TMPRSS9: variants seen among roughly 807,000 people sequenced by gnomAD.
TMPRSS9 encodes the protein transmembrane serine protease 9.
Under a neutral mutation model 111.4 loss-of-function variants are expected in TMPRSS9, and 113 were observed. The ratio of observed to expected loss-of-function variants is 1.01; its 90% confidence interval spans 0.87 to 1.19. The LOEUF (loss-of-function observed/expected upper bound fraction) is 1.19, where lower values mean the gene tolerates loss of function less well. TMPRSS9 is among the 50% of genes most tolerant of loss of function. The pLI is 0.00. For synonymous variants in TMPRSS9, 805 were observed against 659.1 expected (o/e 1.22, Z -3.39); for missense variants, 1,803 against 1,513.1 (o/e 1.19, Z -3.18).
At chr19:2,367,912 T>C (rs144872323) in intron 1 of TMPRSS9, among the ~76,000 whole-genome samples, 2,231 of 152,084 alleles carry the variant, frequency 0.015, 56 homozygotes, top group African/African-American at 0.049. Flanking sequence ...GGTTTTACCA[T>C]GTTGGCCAGG....
At chr19:2,364,389 A>C (rs1207144785) in intron 1 of TMPRSS9, among the ~76,000 whole-genome samples, 1 of 151,994 alleles carries the variant, frequency 6.6e-6, no homozygotes, top group African/African-American at 2.4e-5. Context: ...TGGGTGATCC[A>C]CTCATAACTG....
exon 3 of TMPRSS9, chr19:2,398,840 G>A: frequency 6.6e-7 from 1 of 1,509,200 alleles, no homozygotes; most frequent in South Asian, 1.2e-5. Flanking sequence ...AAGCTGCGTG[G>A]GTTGCTCGGT....
At chr19:2,392,729 T>A (rs1970624732) in intron 1 of TMPRSS9, among the ~76,000 whole-genome samples, 1 of 152,142 alleles carries the variant, frequency 6.6e-6, no homozygotes, top group African/African-American at 2.4e-5. Flanking sequence ...AATGCACCAA[T>A]AAGCACTCTG....
At chr19:2,418,272 C>CCCTCCTTTCCTTCCCTCCTTTTCCTTT (rs1971305345) in intron 13 of TMPRSS9, 134 bp downstream of exon 14, 1 of 694,168 alleles carries the variant, frequency 1.4e-6, no homozygotes, top group African/African-American at 4.1e-5. Context: ...CCTTGTCCTT[C>CCCTCCTTTCCTTCCCTCCTTTTCCTTT]CCTCCTTTTC....
intron 8 of TMPRSS9, among the ~76,000 whole-genome samples, chr19:2,409,825 G>A (rs1971057205): frequency 6.6e-6 from 1 of 152,076 alleles, no homozygotes; most frequent in Admixed American, 6.6e-5. Flanking sequence ...AGTGGGGTGG[G>A]ACCAGAGTAA....
At chr19:2,394,572 A>G (rs913861674) in intron 1 of TMPRSS9, among the ~76,000 whole-genome samples, 1 of 134,852 alleles carries the variant, frequency 7.4e-6, no homozygotes, top group Non-Finnish European at 1.6e-5. Flanking sequence ...GGGGCAATTC[A>G]GTCCGCCCAC....
At chr19:2,364,942 G>A (rs999804533) in intron 1 of TMPRSS9, among the ~76,000 whole-genome samples, 23 of 150,438 alleles carry the variant, frequency 1.5e-4, no homozygotes, top group Non-Finnish European at 2.8e-4. Flanking sequence ...TCGCGCCACT[G>A]CACTCCAGCC....
intron 6 of TMPRSS9, 122 bp from the exon 8 acceptor site, chr19:2,405,252 G>T (rs1970944578): frequency 7.5e-7 from 1 of 1,330,764 alleles, no homozygotes; most frequent in Non-Finnish European, 9.9e-7. Context: ...CCAAGGAGGG[G>T]CCCCCAAGCA....
chr19:2,387,608 G>A (rs1599283593), upstream of TMPRSS9, among the ~76,000 whole-genome samples: 1 of 152,028 alleles, frequency 6.6e-6, no homozygotes, highest in Non-Finnish European at 1.5e-5. Context: ...TGAGCATGGC[G>A]TGGTGACGTA....
At chr19:2,425,229 G>C in exon 16 of TMPRSS9, 1 of 1,443,524 alleles carries the variant, frequency 6.9e-7, no homozygotes, top group Admixed American at 2.8e-5. Context: ...GACGGCACGC[G>C]CTGCGTCATC....
intron 1 of TMPRSS9, among the ~76,000 whole-genome samples, chr19:2,368,678 G>C (rs532920886): frequency 2.0e-5 from 3 of 151,868 alleles, no homozygotes; most frequent in Non-Finnish European, 4.4e-5. Context: ...TAGACATGGC[G>C]TAGGGGCCCA....
At chr19:2,413,645 G>A in intron 9 of TMPRSS9, 55 bp from the exon 11 acceptor site, 1 of 1,547,622 alleles carries the variant, frequency 6.5e-7, no homozygotes, top group Non-Finnish European at 8.8e-7. Flanking sequence ...TCGTAGCACT[G>A]GTGTCTGGAC....
At chr19:2,374,674 C>A (rs934742544) in intron 1 of TMPRSS9, among the ~76,000 whole-genome samples, 1 of 152,248 alleles carries the variant, frequency 6.6e-6, no homozygotes, top group East Asian at 1.9e-4. Context: ...CTCTGGGGAG[C>A]CCCTAACCAG....
chr19:2,412,118 G>A (rs1049376633), intron 9 of TMPRSS9, among the ~76,000 whole-genome samples: 9 of 152,136 alleles, frequency 5.9e-5, no homozygotes. Flanking sequence ...GAAAAGCTGG[G>A]TGCAGTGGCT....
chr19:2,411,174 C>T (rs1971085946), intron 9 of TMPRSS9, among the ~76,000 whole-genome samples: 1 of 151,288 alleles, frequency 6.6e-6, no homozygotes, highest in African/African-American at 2.4e-5. Flanking sequence ...GTGGCAGGTG[C>T]CTGTAATCCC....
chr19:2,410,484 C>A, intron 9 of TMPRSS9, 90 bp downstream of exon 10: 1 of 1,504,370 alleles, frequency 6.6e-7, no homozygotes, highest in East Asian at 2.4e-5. Context: ...ATCTGGATGC[C>A]CGCTGTGAGC....
At position 2,425,917 on chromosome 19, in the gene TMPRSS9, T is replaced by C; in HGVS notation, c.3121-10T>C. The C allele has an allele frequency of 1.3e-6, 2 of 1,580,498 alleles. No homozygotes were observed. Among genetic ancestry groups the C allele is most frequent in the Non-Finnish European group, 1.7e-6 (2 of 1,169,036 alleles). ...CGGCCTCTGAACCCCCTTTCTTCTC[T>C]CCCCAACAGGGTGACGCTGGGGGAC... On this transcript the variant is annotated splice_polypyrimidine_tract_variant and intron_variant, in intron 17 of 17. Transcript: ENST00000648592.
chr19:2,419,631 C>T (rs1450009387), intron 13 of TMPRSS9, among the ~76,000 whole-genome samples: 1 of 152,042 alleles, frequency 6.6e-6, no homozygotes, highest in Non-Finnish European at 1.5e-5. Flanking sequence ...ATTCTCCTGC[C>T]TCAGCCTCTG....
chr19:2,396,602 C>G, exon 2 of TMPRSS9: 1 of 1,611,910 alleles, frequency 6.2e-7, no homozygotes, highest in Non-Finnish European at 8.5e-7. Flanking sequence ...ATCCGGTGGA[C>G]CAGCAGTTTG....
Sources: gnomAD v4.1 joint callset for allele counts (sites outside exome capture counted in the v4.1 genomes callset) on GRCh38, gnomAD v4.1.1 for gene constraint, MANE v1.5 for transcripts, NCBI Gene and HGNC (gene_info 2026-07-23, HGNC 2026-07-21) for gene names.